Variants in VPS41 observed in about 807,000 individuals in gnomAD.
VPS41 encodes vacuolar protein sorting-associated protein 41 homolog.
In VPS41, 85 loss-of-function variants were observed where a neutral mutation model predicts 130.9. The observed-to-expected ratio is 0.65, with a 90% CI of 0.55 to 0.78. The LOEUF (loss-of-function observed/expected upper bound fraction) is 0.78. Among genes scored for constraint, VPS41 ranks in the 30% least tolerant of loss-of-function variants. The pLI is 0.00. For synonymous variants in VPS41, 335 were observed against 332.9 expected, an observed-to-expected ratio of 1.01 and a Z score of -0.07; for missense variants, 874 against 1,018.7, an observed-to-expected ratio of 0.86 and a Z score of 1.93.
intron 27 of VPS41, among the ~76,000 whole-genome samples, chr7:38,728,188 C>T (rs1186641359): frequency 6.6e-6 from 1 of 152,140 alleles, no homozygotes; most frequent in African/African-American, 2.4e-5. Context: ...AAAAGAAGGG[C>T]CCCTGAACCA....
intron 18 of VPS41, 40 bp downstream of exon 18, chr7:38,758,314 A>G (rs770562759): frequency 6.4e-7 from 1 of 1,566,336 alleles, no homozygotes; most frequent in Non-Finnish European, 8.6e-7. Flanking sequence ...ACTTTTCAAC[A>G]CAGACTGATA....
chr7:38,797,579 TC>T (rs1784645535), intron 7 of VPS41, among the ~76,000 whole-genome samples: 1 of 152,214 alleles, frequency 6.6e-6, no homozygotes, highest in Non-Finnish European at 1.5e-5. Context: ...TCCATTTAAA[TC>T]CTTTAAGAAA....
intron 10 of VPS41, among the ~76,000 whole-genome samples, chr7:38,787,976 A>G (rs1784469832): frequency 6.6e-6 from 1 of 152,158 alleles, no homozygotes. Context: ...CCACACTGCA[A>G]TAATGTGATC....
chr7:38,890,751 T>C (rs1433529874), intron 2 of VPS41, among the ~76,000 whole-genome samples: 2 of 151,944 alleles, frequency 1.3e-5, no homozygotes, highest in Admixed American at 6.6e-5. Context: ...AGTGGCATAA[T>C]CATGGTTCAA....
intron 22 of VPS41, among the ~76,000 whole-genome samples, chr7:38,748,397 A>C (rs1254424379): frequency 6.6e-6 from 1 of 152,160 alleles, no homozygotes; most frequent in Non-Finnish European, 1.5e-5. Flanking sequence ...AACCTTATCA[A>C]ATGTAAATTA....
At chr7:38,886,318 T>C (rs1786730229) in intron 2 of VPS41, among the ~76,000 whole-genome samples, 1 of 152,182 alleles carries the variant, frequency 6.6e-6, no homozygotes, top group South Asian at 2.1e-4. Flanking sequence ...TTTCCCACGG[T>C]CTTTGCAACC....
intron 1 of VPS41, among the ~76,000 whole-genome samples, chr7:38,899,234 T>G (rs142921085): frequency 4.9e-4 from 74 of 152,326 alleles, no homozygotes; most frequent in African/African-American, 1.7e-3. Context: ...ATTAAGAATT[T>G]TATTATACTT....
chr7:38,748,730 C>A (rs781095508), intron 22 of VPS41, among the ~76,000 whole-genome samples: 10 of 151,998 alleles, frequency 6.6e-5, no homozygotes, highest in Non-Finnish European at 1.3e-4. Flanking sequence ...TTTCATGATT[C>A]TTGCAATACT....
At chr7:38,741,232 C>A in intron 25 of VPS41, 1 of 241,526 alleles carries the variant, frequency 4.1e-6, no homozygotes, top group South Asian at 5.0e-5. Flanking sequence ...TAATTTCATC[C>A]ATTATTAATA....
chr7:38,763,989 A>C (rs1271510289), intron 16 of VPS41, among the ~76,000 whole-genome samples: 1 of 152,202 alleles, frequency 6.6e-6, no homozygotes, highest in Non-Finnish European at 1.5e-5. Flanking sequence ...TGTGTTCTTC[A>C]GATATTTTCA....
intron 22 of VPS41, 113 bp from the exon 23 acceptor site, chr7:38,745,726 TAAAACAAAG>T: frequency 1.2e-6 from 1 of 823,728 alleles, no homozygotes; most frequent in South Asian, 1.5e-5. Flanking sequence ...TCTTTAAAAA[TAAAACAAAG>T]CAAACAAATA....
At chr7:38,753,685 TTAAG>T (rs1385740903) in intron 21 of VPS41, among the ~76,000 whole-genome samples, 2 of 152,190 alleles carry the variant, frequency 1.3e-5, no homozygotes, top group African/African-American at 4.8e-5. Context: ...GTCTCCTGGC[TTAAG>T]TAAGTCAGAA....
At chr7:38,746,883 G>A (rs868827943) in intron 22 of VPS41, among the ~76,000 whole-genome samples, 1 of 152,008 alleles carries the variant, frequency 6.6e-6, no homozygotes, top group Non-Finnish European at 1.5e-5. Flanking sequence ...ACTACCTTAC[G>A]TCATGAGGTC....
chr7:38,909,050 A>G, intron 1 of VPS41, 104 bp downstream of exon 1: 1 of 1,399,290 alleles, frequency 7.1e-7, no homozygotes, highest in Non-Finnish European at 1.0e-6. Context: ...GCCTTGCGCT[A>G]TTCCAGCAGC....
chr7:38,827,819 T>C (rs1785310003), intron 5 of VPS41, among the ~76,000 whole-genome samples: 1 of 152,198 alleles, frequency 6.6e-6, no homozygotes, highest in Non-Finnish European at 1.5e-5. Context: ...TAAACTTTTC[T>C]GAAATGAAAA....
intron 7 of VPS41, among the ~76,000 whole-genome samples, chr7:38,805,493 A>C (rs2116037163): frequency 6.6e-6 from 1 of 152,186 alleles, no homozygotes; most frequent in Non-Finnish European, 1.5e-5. Context: ...AGATCGCGCC[A>C]CTGCACTCCA....
chr7:38,893,442 T>C (rs1476625417), intron 2 of VPS41, among the ~76,000 whole-genome samples: 2 of 152,226 alleles, frequency 1.3e-5, no homozygotes, highest in Non-Finnish European at 2.9e-5. Flanking sequence ...ACAAGAGCAA[T>C]CATCCCTAAG....
At chr7:38,870,294 G>A (rs1786321354) in intron 2 of VPS41, among the ~76,000 whole-genome samples, 1 of 152,112 alleles carries the variant, frequency 6.6e-6, no homozygotes, top group East Asian at 1.9e-4. Context: ...AAAGGATGAA[G>A]CTAAAAAGCT....
At chr7:38,805,965 C>T (rs1349735429) in intron 7 of VPS41, among the ~76,000 whole-genome samples, 2 of 152,140 alleles carry the variant, frequency 1.3e-5, no homozygotes, top group African/African-American at 4.8e-5. Flanking sequence ...ATTGTCCTGG[C>T]TTCTATGGTA....
Sources: allele counts gnomAD v4.1 joint callset (sites outside exome capture counted in the v4.1 genomes callset), GRCh38; gene constraint gnomAD v4.1.1; transcripts MANE v1.5; gene names NCBI Gene and HGNC (gene_info 2026-07-23, HGNC 2026-07-21).